Variants in RIGI observed in about 807,000 individuals in gnomAD.
The protein encoded by RIGI is RNA sensor RIG-I, also known as antiviral innate immune response receptor RIG-I.
At chr9:32,509,100 T>C in the RIGI span, among the ~76,000 whole-genome samples, 84 of 152,160 alleles carry the variant, frequency 5.5e-4, no homozygotes, top group African/African-American at 1.6e-3. Flanking sequence ...GCAGCCCCAC[T>C]CAGGGGCTTA....
At chr9:32,502,167 A>AC in the RIGI span, among the ~76,000 whole-genome samples, 4 of 152,190 alleles carry the variant, frequency 2.6e-5, no homozygotes, top group African/African-American at 7.2e-5. Flanking sequence ...TTAAGGTTTA[A>AC]CCATGTTGTA....
the RIGI span, among the ~76,000 whole-genome samples, chr9:32,518,823 C>T: frequency 1.3e-5 from 2 of 152,264 alleles, no homozygotes; most frequent in South Asian, 2.1e-4. Context: ...ACTTACTGGT[C>T]GGCCTCCTCC....
At chr9:32,521,154 A>AAAAAAAAAAAAT in the RIGI span, among the ~76,000 whole-genome samples, 1 of 150,514 alleles carries the variant, frequency 6.6e-6, no homozygotes. Flanking sequence ...AAAAAAAAAA[A>AAAAAAAAAAAAT]AAAAAAAACT....
At chr9:32,480,176 C>A in the RIGI span, 2 of 1,559,022 alleles carry the variant, frequency 1.3e-6, no homozygotes, top group African/African-American at 1.4e-5. Context: ...TTCCAGTCAC[C>A]AAGAATGCTA....
At chr9:32,492,285 T>G in the RIGI span, 1 of 1,239,666 alleles carries the variant, frequency 8.1e-7, no homozygotes, top group Admixed American at 2.3e-5. Flanking sequence ...GCGTTAGAGA[T>G]GTAGCTCTGG....
the RIGI span, among the ~76,000 whole-genome samples, chr9:32,460,471 A>T: frequency 1.3e-5 from 2 of 152,194 alleles, no homozygotes; most frequent in Non-Finnish European, 2.9e-5. Flanking sequence ...AAACAGAAAG[A>T]TCTCAAACTG....
the RIGI span, among the ~76,000 whole-genome samples, chr9:32,523,578 C>CA: frequency 6.6e-6 from 1 of 152,106 alleles, no homozygotes; most frequent in Non-Finnish European, 1.5e-5. Context: ...CCCCAAGAGA[C>CA]CTATTGATTA....
chr9:32,521,707 T>G, the RIGI span, among the ~76,000 whole-genome samples: 1 of 152,190 alleles, frequency 6.6e-6, no homozygotes, highest in East Asian at 1.9e-4. Context: ...GAGGTGGTAT[T>G]TAACTTCCTT....
chr9:32,481,730 C>T, the RIGI span, among the ~76,000 whole-genome samples: 2 of 152,214 alleles, frequency 1.3e-5, no homozygotes, highest in Non-Finnish European at 1.5e-5. Flanking sequence ...AGACTACAGG[C>T]GTGTGCCATC....
At chr9:32,516,193 T>A in the RIGI span, among the ~76,000 whole-genome samples, 1 of 152,202 alleles carries the variant, frequency 6.6e-6, no homozygotes, top group African/African-American at 2.4e-5. Flanking sequence ...TCATTCATCA[T>A]GATTGCTTCC....
At chr9:32,492,578 A>G in the RIGI span, 53 of 1,609,966 alleles carry the variant, frequency 3.3e-5, no homozygotes, top group Non-Finnish European at 4.2e-5. Flanking sequence ...AATTATCTCA[A>G]AAGTTTTCCC....
At chr9:32,489,507 C>T in the RIGI span, 2 of 1,081,330 alleles carry the variant, frequency 1.8e-6, no homozygotes, top group Non-Finnish European at 2.8e-6. Flanking sequence ...GGAATCACGG[C>T]AATAGCTACA....
the RIGI span, among the ~76,000 whole-genome samples, chr9:32,489,999 G>A: frequency 6.6e-6 from 1 of 152,214 alleles, no homozygotes; most frequent in Non-Finnish European, 1.5e-5. Flanking sequence ...CAAAGACTTT[G>A]GAAATTATCT....
the RIGI span, among the ~76,000 whole-genome samples, chr9:32,501,784 C>T: frequency 1.2e-4 from 19 of 152,052 alleles, 1 homozygote; most frequent in Middle Eastern, 0.017. Flanking sequence ...AGACCTAGCA[C>T]GTAATAGACA....
At chr9:32,492,919 A>C in the RIGI span, among the ~76,000 whole-genome samples, 2 of 152,024 alleles carry the variant, frequency 1.3e-5, no homozygotes, top group African/African-American at 4.8e-5. Flanking sequence ...AGGGTTGAGG[A>C]ATTTGTATGA....
the RIGI span, among the ~76,000 whole-genome samples, chr9:32,479,836 C>CA: frequency 0.21 from 22,852 of 111,420 alleles, 1,960 homozygotes; most frequent in Non-Finnish European, 0.24. Flanking sequence ...GACTCCATCT[C>CA]AAAAAAAAAA....
chr9:32,481,424 T>C, the RIGI span: 58 of 1,613,122 alleles, frequency 3.6e-5, no homozygotes, highest in Non-Finnish European at 4.9e-5. Flanking sequence ...CCATGCATGC[T>C]TTCTGAACTG....
chr9:32,506,438 ATGATT>A, the RIGI span, among the ~76,000 whole-genome samples: 34 of 152,218 alleles, frequency 2.2e-4, no homozygotes, highest in African/African-American at 8.0e-4. Context: ...ACTGTTTTTA[ATGATT>A]TCTTGTGGGA....
the RIGI span, among the ~76,000 whole-genome samples, chr9:32,492,878 CAG>C: frequency 6.6e-6 from 1 of 151,870 alleles, no homozygotes; most frequent in African/African-American, 2.4e-5. Context: ...TATTTGGAAA[CAG>C]ATAACAAAAT....
Sources: allele counts gnomAD v4.1 joint callset (sites outside exome capture counted in the v4.1 genomes callset), GRCh38; gene constraint gnomAD v4.1.1; transcripts MANE v1.5; gene names NCBI Gene and HGNC (gene_info 2026-07-23, HGNC 2026-07-21).